TRPM3: variants seen among roughly 807,000 people sequenced by gnomAD.
The protein encoded by TRPM3 is long transient receptor potential channel 3.
Under a neutral mutation model 181.2 loss-of-function variants are expected in TRPM3, and 77 were observed. The observed-to-expected ratio is 0.42, with a 90% CI of 0.35 to 0.51. TRPM3 has a LOEUF of 0.51. Ranked by LOEUF, TRPM3 falls within the 20% of genes least tolerant of loss-of-function variation. The probability of loss-of-function intolerance (pLI) is 0.01; values close to 1 mark genes in which losing one functional copy is unlikely to be tolerated. For missense variants in TRPM3, 1,759 were observed against 2,196.7 expected, an observed-to-expected ratio of 0.80 and a Z score of 3.98; for synonymous variants, 745 against 796.4, an observed-to-expected ratio of 0.94 and a Z score of 1.09.
intron 1 of TRPM3, among the ~76,000 whole-genome samples, chr9:71,010,912 GACACACACACACACACACATACACAC>G (rs1402755272): frequency 1.4e-5 from 2 of 139,352 alleles, no homozygotes; most frequent in Non-Finnish European, 3.1e-5. Context: ...TAAAGAAAAT[GACACACACACACACACACATACACAC>G]ACACACACAC....
chr9:71,255,479 T>C (rs6560192), intron 1 of TRPM3, among the ~76,000 whole-genome samples: 82,467 of 151,932 alleles, frequency 0.54, 22,512 homozygotes, highest in African/African-American at 0.59. Context: ...GTTCCTTCAT[T>C]AATCCTGTCC....
chr9:70,923,764 G>C (rs1021023741), intron 1 of TRPM3, among the ~76,000 whole-genome samples: 1 of 149,186 alleles, frequency 6.7e-6, no homozygotes, highest in Non-Finnish European at 1.5e-5. Context: ...GCTTGGCCGA[G>C]TAATACTGGC....
intron 3 of TRPM3, among the ~76,000 whole-genome samples, chr9:70,848,698 C>CAGTCTAGAATTCTA (rs1589201966): frequency 1.9e-5 from 2 of 103,690 alleles, no homozygotes; most frequent in Non-Finnish European, 2.1e-5. Flanking sequence ...AATTACCTGG[C>CAGTCTAGAATTCTA]CGGGCGCGGT....
chr9:71,385,676 T>C (rs919557022), intron 1 of TRPM3, among the ~76,000 whole-genome samples: 1 of 152,174 alleles, frequency 6.6e-6, no homozygotes, highest in South Asian at 2.1e-4. Context: ...TTATCTGTTA[T>C]ATTTAAGTGA....
chr9:70,588,053 G>A (rs2057442643), intron 22 of TRPM3, among the ~76,000 whole-genome samples: 1 of 152,086 alleles, frequency 6.6e-6, no homozygotes, highest in Non-Finnish European at 1.5e-5. Flanking sequence ...TTAGATTAAG[G>A]CTGAACTATC....
At chr9:71,319,416 C>A (rs2088977759) in intron 1 of TRPM3, among the ~76,000 whole-genome samples, 1 of 152,136 alleles carries the variant, frequency 6.6e-6, no homozygotes, top group Non-Finnish European at 1.5e-5. Context: ...GACCCAAGAG[C>A]CAGGAGCATC....
At chr9:71,391,282 A>G (rs1036106235) in intron 1 of TRPM3, among the ~76,000 whole-genome samples, 2 of 152,046 alleles carry the variant, frequency 1.3e-5, no homozygotes, top group African/African-American at 4.8e-5. Flanking sequence ...AACAGGAAAC[A>G]GAAGATAAAA....
intron 1 of TRPM3, among the ~76,000 whole-genome samples, chr9:71,189,090 A>G (rs891936601): frequency 2.0e-5 from 3 of 151,868 alleles, no homozygotes; most frequent in African/African-American, 7.2e-5. Context: ...GATACTTCTG[A>G]ACATGAGTCA....
At position 71,032,105 on chromosome 9, in the gene TRPM3, ATATAT is replaced by A. The variant is rs1201640674; in HGVS notation, c.177+89068_177+89072del. Among the ~76,000 whole-genome samples the A allele has an allele frequency of 4.7e-3, 479 of 102,350 alleles. 4 individuals carry two copies. The highest frequency in any genetic ancestry group is 0.017 in the African/African-American group (455 of 27,372). The allele number at this position is 102,350 out of a possible 152,430, so 67.1% of individuals were successfully genotyped here. Reference sequence around the variant, plus strand: ...TATATATATAATTATATAATATTATATATATTATATTATATATATTAACCTTAATG... The same window carrying A: ...TATATATATAATTATATAATATTATATATATTATATATATTAACCTTAATG... On this transcript the variant is annotated intron_variant, in intron 1 of 25. Transcript: ENST00000677713.
intron 1 of TRPM3, among the ~76,000 whole-genome samples, chr9:71,063,231 C>T (rs1257723371): frequency 6.6e-6 from 1 of 152,130 alleles, no homozygotes; most frequent in Non-Finnish European, 1.5e-5. Flanking sequence ...AGCTCTTAAA[C>T]CTGACATCCC....
At chr9:71,370,786 G>A (rs1313385432) in intron 1 of TRPM3, among the ~76,000 whole-genome samples, 1 of 152,204 alleles carries the variant, frequency 6.6e-6, no homozygotes, top group Non-Finnish European at 1.5e-5. Flanking sequence ...CCTTCTATTG[G>A]AAGAAGACCA....
intron 1 of TRPM3, among the ~76,000 whole-genome samples, chr9:71,245,024 C>T (rs192008383): frequency 3.9e-4 from 59 of 152,204 alleles, no homozygotes; most frequent in Admixed American, 1.1e-3. Context: ...ACAACATGAA[C>T]GGAGACAGGA....
At chr9:71,298,670 G>A (rs911486135) in intron 1 of TRPM3, among the ~76,000 whole-genome samples, 4 of 152,060 alleles carry the variant, frequency 2.6e-5, no homozygotes, top group Admixed American at 6.6e-5. Context: ...CAGGGTCCAA[G>A]AGCAAACTGC....
intron 1 of TRPM3, among the ~76,000 whole-genome samples, chr9:71,257,107 T>C (rs975091169): frequency 3.3e-5 from 5 of 152,106 alleles, no homozygotes; most frequent in African/African-American, 1.2e-4. Flanking sequence ...ATAAAGTAAA[T>C]TTGCATGAGT....
intron 8 of TRPM3, among the ~76,000 whole-genome samples, chr9:70,700,551 T>C (rs928990923): frequency 6.6e-6 from 1 of 152,242 alleles, no homozygotes; most frequent in Non-Finnish European, 1.5e-5. Flanking sequence ...TTTGTTAAAA[T>C]GCTTTTGAAC....
intron 12 of TRPM3, among the ~76,000 whole-genome samples, chr9:70,629,821 A>C (rs888683393): frequency 1.3e-5 from 2 of 152,202 alleles, no homozygotes; most frequent in Non-Finnish European, 2.9e-5. Flanking sequence ...CTGTTTCTTC[A>C]CAGAGATTTT....
At chr9:71,291,354 C>G (rs540354981) in intron 1 of TRPM3, among the ~76,000 whole-genome samples, 39 of 152,232 alleles carry the variant, frequency 2.6e-4, no homozygotes, top group African/African-American at 8.7e-4. Flanking sequence ...TAACCTTTCT[C>G]CTTTCTCATA....
chr9:70,761,521 T>C (rs2078138598), intron 8 of TRPM3, 80 bp downstream of exon 8: 5 of 1,600,686 alleles, frequency 3.1e-6, no homozygotes, highest in Non-Finnish European at 4.3e-6. Context: ...GAATGTTGCA[T>C]GATTTGAGAA....
intron 1 of TRPM3, among the ~76,000 whole-genome samples, chr9:71,403,545 G>C (rs1384661673): frequency 6.6e-6 from 1 of 152,148 alleles, no homozygotes; most frequent in African/African-American, 2.4e-5. Flanking sequence ...TATATGCCAG[G>C]TTCTATTATG....
Sources: gnomAD v4.1 joint callset for allele counts (sites outside exome capture counted in the v4.1 genomes callset) on GRCh38, gnomAD v4.1.1 for gene constraint, MANE v1.5 for transcripts, NCBI Gene and HGNC (gene_info 2026-07-23, HGNC 2026-07-21) for gene names.